Variants in ANO5 observed in about 807,000 individuals in gnomAD.
ANO5 encodes the protein anoctamin-5.
ANO5 carries 109 observed loss-of-function variants against 121.0 expected under a neutral mutation model. The ratio of observed to expected loss-of-function variants is 0.90; its 90% CI spans 0.77 to 1.06. The LOEUF (loss-of-function observed/expected upper bound fraction) is 1.06. Ranked by LOEUF, ANO5 falls within the 50% of genes least tolerant of loss-of-function variation. The pLI is 0.00. For missense variants in ANO5, 1,064 were observed against 1,078.5 expected (o/e 0.99, Z 0.19); for synonymous variants, 406 against 359.9 (o/e 1.13, Z -1.45).
At chr11:22,236,051 A>AGAAAGACAGCTTC in intron 7 of ANO5, 112 bp from the exon 8 acceptor site, 1 of 741,394 alleles carries the variant, frequency 1.3e-6, no homozygotes, top group South Asian at 1.5e-5. Flanking sequence ...TCTTTCTATA[A>AGAAAGACAGCTTC]TTAGAGCCTG....
intron 1 of ANO5, among the ~76,000 whole-genome samples, chr11:22,193,835 C>T (rs923023284): frequency 6.6e-6 from 1 of 152,160 alleles, no homozygotes; most frequent in Non-Finnish European, 1.5e-5. Flanking sequence ...TGGGAACCGC[C>T]GAGTAATTCA....
chr11:22,263,139 G>A, intron 17 of ANO5, 96 bp downstream of exon 17: 1 of 1,005,180 alleles, frequency 9.9e-7, no homozygotes. Context: ...TGGTGCCTTT[G>A]TTAGAAAATG....
chr11:22,232,034 A>T (rs573246158), intron 7 of ANO5, among the ~76,000 whole-genome samples: 12 of 152,086 alleles, frequency 7.9e-5, no homozygotes, highest in South Asian at 4.1e-4. Flanking sequence ...CTCGTTCACT[A>T]TTCCTTGTCT....
At chr11:22,235,333 A>AT (rs1159112587) in intron 7 of ANO5, among the ~76,000 whole-genome samples, 1 of 152,092 alleles carries the variant, frequency 6.6e-6, no homozygotes, top group African/African-American at 2.4e-5. Context: ...TTATGACATC[A>AT]TTTGTAAAAA....
At chr11:22,197,850 G>A (rs1163853183) in intron 1 of ANO5, among the ~76,000 whole-genome samples, 2 of 152,192 alleles carry the variant, frequency 1.3e-5, no homozygotes, top group African/African-American at 4.8e-5. Context: ...GGAGAGTATA[G>A]TGCTATCCAT....
Position 22,279,725 on chromosome 11 carries a change from T to C in ANO5, c.2702T>C (p.Ile901Thr). 1 of 1,612,834 alleles carries C rather than the reference T, an allele frequency of 6.2e-7. No individual in the cohort carries two copies. Among genetic ancestry groups the C allele is most frequent in the Non-Finnish European group, 8.5e-7 (1 of 1,179,170 alleles). ...NSNEFAKHVM[I>T]EENKAQLAKS... ...AATGAATTTGCCAAGCATGTCATGATTGAGGAAAACAAAGCACAGCTGGCT... is the reference window on the plus strand; with the variant it reads ...AATGAATTTGCCAAGCATGTCATGACTGAGGAAAACAAAGCACAGCTGGCT... The change falls in exon 22 of 22, where the codon ATT (isoleucine) becomes ACT (threonine). Residue 901 changes from isoleucine (I) to threonine (T), a missense_variant. Coordinates refer to ENST00000324559, the MANE Select transcript of ANO5 (RefSeq NM_213599.3).
In ANO5 at chr11:22,239,632, A is replaced by T; in HGVS notation, c.826A>T (p.Asn276Tyr). ...CAATGAAAGATACACACTTCACCAG[A>T]ATTGGGCTCGATTTTCCTATTTCTA... is the stretch of plus-strand genomic sequence containing the variant. ...PTNERYTLHQ[N>Y]WARFSYFYKE... The change falls in exon 9 of 22, where the codon AAT (asparagine) becomes TAT (tyrosine). Residue 276 changes from asparagine to tyrosine, a missense_variant. Physicochemically the swap from Asn to Tyr is moderately radical, Grantham distance 143. Coordinates refer to ENST00000324559, the MANE Select transcript of ANO5 (RefSeq NM_213599.3). The T allele has an allele frequency of 6.2e-7, 1 of 1,613,006 alleles. No homozygotes were observed. Among genetic ancestry groups the T allele is most frequent in the Non-Finnish European group, 8.5e-7 (1 of 1,179,216 alleles).
At chr11:22,262,665 T>C (rs564806806) in intron 16 of ANO5, among the ~76,000 whole-genome samples, 1 of 152,304 alleles carries the variant, frequency 6.6e-6, no homozygotes, top group South Asian at 2.1e-4. Flanking sequence ...GAATGGAAGA[T>C]ATAACAACTC....
At chr11:22,273,936 A>AT (rs147703962) in intron 19 of ANO5, among the ~76,000 whole-genome samples, 402 of 152,048 alleles carry the variant, frequency 2.6e-3, no homozygotes, top group Non-Finnish European at 4.3e-3. Context: ...GTTACATTAG[A>AT]TTTTTTTTAA....
chr11:22,213,488 A>T (rs1385724964), intron 3 of ANO5, among the ~76,000 whole-genome samples: 1 of 151,774 alleles, frequency 6.6e-6, no homozygotes, highest in East Asian at 1.9e-4. Context: ...TTGGAGGAAG[A>T]TAATAGAAGT....
At chr11:22,231,459 T>G (rs1853038780) in intron 7 of ANO5, among the ~76,000 whole-genome samples, 1 of 151,954 alleles carries the variant, frequency 6.6e-6, no homozygotes, top group Non-Finnish European at 1.5e-5. Flanking sequence ...CCATTTTACT[T>G]ATTTTTCAGT....
At chr11:22,218,427 A>G in intron 4 of ANO5, 140 bp downstream of exon 4, 2 of 1,100,502 alleles carry the variant, frequency 1.8e-6, no homozygotes, top group Non-Finnish European at 1.4e-6. Flanking sequence ...AAGTTTAAGA[A>G]TAGTGATTCT....
At chr11:22,201,678 T>A (rs779108884) in intron 1 of ANO5, among the ~76,000 whole-genome samples, 14 of 152,160 alleles carry the variant, frequency 9.2e-5, no homozygotes, top group Non-Finnish European at 1.6e-4. Flanking sequence ...CATAACATGG[T>A]GGAAGGCATC....
chr11:22,231,926 A>G (rs1408726300), intron 7 of ANO5, among the ~76,000 whole-genome samples: 3 of 151,982 alleles, frequency 2.0e-5, no homozygotes, highest in Non-Finnish European at 4.4e-5. Context: ...ATAGAGGTCC[A>G]TAAGTCGTAA....
chr11:22,251,872 CA>C (rs773301483), intron 12 of ANO5, among the ~76,000 whole-genome samples: 3 of 149,680 alleles, frequency 2.0e-5, no homozygotes, highest in Admixed American at 6.7e-5. Flanking sequence ...TAAAAAATAC[CA>C]AAAAAAATTA....
At chr11:22,257,792 C>T (rs376176057) in intron 14 of ANO5, 38 bp downstream of exon 14, 5 of 1,527,622 alleles carry the variant, frequency 3.3e-6, no homozygotes, top group Non-Finnish European at 3.6e-6. Context: ...ATTTCTTCAA[C>T]AGGTGATTAA....
In ANO5 at chr11:22,234,809, C is replaced by T. The variant is rs149767980; in HGVS notation, c.649-1354C>T. ...TCACTTCCTCCAAATTCTTATTCTTCGTTTTATGAGTGGTTAGCTGAACTG... is the reference window on the plus strand; with the variant it reads ...TCACTTCCTCCAAATTCTTATTCTTTGTTTTATGAGTGGTTAGCTGAACTG... On this transcript the variant is annotated intron_variant, in intron 7 of 21. Transcript: ENST00000324559. 1.7e-4 allele frequency among the ~76,000 whole-genome samples: 26 copies of T among 152,162 alleles called. No homozygotes were observed. In the East Asian group the frequency reaches 3.1e-3, roughly 18 times the overall value.
chr11:22,274,214 G>A (rs529130467), intron 19 of ANO5, among the ~76,000 whole-genome samples: 1 of 151,076 alleles, frequency 6.6e-6, no homozygotes, highest in East Asian at 2.0e-4. Flanking sequence ...ACCTCATTGA[G>A]TTAGTCTAAG....
intron 5 of ANO5, among the ~76,000 whole-genome samples, chr11:22,223,873 A>G (rs1022104485): frequency 4.6e-5 from 7 of 150,690 alleles, no homozygotes; most frequent in African/African-American, 1.2e-4. Context: ...ATTAGCTACT[A>G]TTTCTCTATT....
Sources: allele counts gnomAD v4.1 joint callset (sites outside exome capture counted in the v4.1 genomes callset), GRCh38; gene constraint gnomAD v4.1.1; transcripts MANE v1.5; gene names NCBI Gene and HGNC (gene_info 2026-07-23, HGNC 2026-07-21).